Variants in PPFIBP2 observed in about 807,000 individuals in gnomAD.
The protein encoded by PPFIBP2 is liprin-beta-2.
A neutral mutation model predicts 118.3 loss-of-function variants in PPFIBP2; 118 were observed. The ratio of observed to expected loss-of-function variants is 1.00; its 90% CI spans 0.86 to 1.16. PPFIBP2 has a LOEUF of 1.16. Ranked by LOEUF, PPFIBP2 falls within the 50% of genes most tolerant of loss-of-function variation. The pLI is 0.00. For missense variants in PPFIBP2, 1,195 were observed against 1,073.1 expected (o/e 1.11, Z -1.59); for synonymous variants, 414 against 397.4 (o/e 1.04, Z -0.50).
At chr11:7,542,650 A>T (rs1851917219) in intron 1 of PPFIBP2, among the ~76,000 whole-genome samples, 1 of 152,198 alleles carries the variant, frequency 6.6e-6, no homozygotes, top group Non-Finnish European at 1.5e-5. Flanking sequence ...TTCACCAATT[A>T]TGTAAGTCTG....
At chr11:7,561,753 T>C (rs571222734) in intron 2 of PPFIBP2, among the ~76,000 whole-genome samples, 67 of 152,236 alleles carry the variant, frequency 4.4e-4, no homozygotes, top group Admixed American at 1.6e-3. Context: ...AAACATAACA[T>C]CATACAATAA....
At chr11:7,585,483 A>C (rs1331266783) in intron 3 of PPFIBP2, among the ~76,000 whole-genome samples, 1 of 152,230 alleles carries the variant, frequency 6.6e-6, no homozygotes, top group Non-Finnish European at 1.5e-5. Flanking sequence ...GCCAGCAGGA[A>C]GTCTCCTGGG....
In PPFIBP2 at chr11:7,609,220, G is replaced by A. The variant is rs147554507; in HGVS notation, c.487-1071G>A. ...GTGACCTCATAGTGTTTGAGTCAGA[G>A]TGTTGAGATTGCCATTCTTGTGCTG... is the stretch of plus-strand genomic sequence containing the variant. On this transcript the variant is annotated intron_variant, in intron 5 of 23. Coordinates refer to ENST00000299492, the MANE Select transcript of PPFIBP2 (RefSeq NM_003621.5). Among the ~76,000 whole-genome samples, 182 of 152,330 alleles carry A rather than the reference G, an allele frequency of 1.2e-3. 1 individual carries two copies. Among genetic ancestry groups the A allele is most frequent in the East Asian group, 3.5e-3 (18 of 5,184 alleles).
intron 3 of PPFIBP2, among the ~76,000 whole-genome samples, chr11:7,585,984 C>G (rs569352806): frequency 6.6e-6 from 1 of 152,108 alleles, no homozygotes; most frequent in Non-Finnish European, 1.5e-5. Context: ...AACACTTGTA[C>G]GAAAGAAAAA....
chr11:7,548,025 A>C lies in PPFIBP2; in HGVS notation c.-36-1415A>C, dbSNP rs371126704. Among the ~76,000 whole-genome samples, 5 of 152,296 alleles carry C rather than the reference A, an allele frequency of 3.3e-5. No individual in the cohort carries two copies. The East Asian group carries it at 5.8e-4, about 18-fold the overall frequency. On this transcript the variant is annotated intron_variant, in intron 1 of 23. Transcript: ENST00000299492. ...GATGTTATATCCTCACTTAAAAAAA[A>C]AGCTAACATATTGAACACTTTGTGC...
intron 1 of PPFIBP2, among the ~76,000 whole-genome samples, chr11:7,519,165 T>C (rs1473891001): frequency 6.6e-6 from 1 of 152,036 alleles, no homozygotes; most frequent in African/African-American, 2.4e-5. Context: ...GCTGAGAAGA[T>C]TGCGGCTGAG....
intron 17 of PPFIBP2, among the ~76,000 whole-genome samples, chr11:7,643,578 C>G (rs560568339): frequency 6.6e-6 from 1 of 152,168 alleles, no homozygotes; most frequent in South Asian, 2.1e-4. Flanking sequence ...TGAAGAAGTC[C>G]TGATGAGATT....
At chr11:7,649,297 A>T in intron 20 of PPFIBP2, 62 bp downstream of exon 20, 1 of 1,440,858 alleles carries the variant, frequency 6.9e-7, no homozygotes. Context: ...ACGTGTACCC[A>T]TGGTGGTTAT....
At chr11:7,599,130 G>A (rs1201595459) in intron 5 of PPFIBP2, among the ~76,000 whole-genome samples, 1 of 149,940 alleles carries the variant, frequency 6.7e-6, no homozygotes, top group African/African-American at 2.5e-5. Context: ...TCTTTCTTTT[G>A]AAGACCCAGG....
At chr11:7,549,640 C>A in intron 2 of PPFIBP2, 101 bp downstream of exon 2, 2 of 1,169,196 alleles carry the variant, frequency 1.7e-6, no homozygotes, top group East Asian at 2.7e-5. Flanking sequence ...TAGAGAAAAT[C>A]CCCTTTTGTT....
In PPFIBP2 at chr11:7,611,346, C is replaced by G. The variant is rs192728019; in HGVS notation, c.618+924C>G. 2.7e-3 allele frequency among the ~76,000 whole-genome samples: 418 copies of G among 152,294 alleles called. 1 individual carries two copies. The highest frequency in any genetic ancestry group is 4.6e-3 in the Non-Finnish European group (314 of 68,034). On this transcript the variant is annotated intron_variant, in intron 6 of 23. Transcript: ENST00000299492. Reference sequence around the variant, plus strand: ...GCACCTGGTATGTCTTCATCTCCTTCCTTCATTTAGGCTAAAGATGGATAT... The same window carrying G: ...GCACCTGGTATGTCTTCATCTCCTTGCTTCATTTAGGCTAAAGATGGATAT...
chr11:7,532,972 TGGC>T, intron 1 of PPFIBP2, among the ~76,000 whole-genome samples: 1 of 152,042 alleles, frequency 6.6e-6, no homozygotes, highest in South Asian at 2.1e-4. Context: ...AGGAGGGAGT[TGGC>T]TATAGGCAAA....
chr11:7,605,571 A>G (rs925250561), intron 5 of PPFIBP2, among the ~76,000 whole-genome samples: 1 of 152,248 alleles, frequency 6.6e-6, no homozygotes, highest in African/African-American at 2.4e-5. Flanking sequence ...TAACAAATGC[A>G]CATGAGGCCT....
At chr11:7,636,672 G>C (rs1025488137) in intron 14 of PPFIBP2, among the ~76,000 whole-genome samples, 1 of 152,130 alleles carries the variant, frequency 6.6e-6, no homozygotes, top group Non-Finnish European at 1.5e-5. Flanking sequence ...CAGCTCACAG[G>C]CTCAAGGTTT....
chr11:7,613,557 G>A (rs749441494), intron 6 of PPFIBP2, among the ~76,000 whole-genome samples: 22 of 152,160 alleles, frequency 1.4e-4, no homozygotes, highest in South Asian at 2.1e-4. Flanking sequence ...TGAATTAGAC[G>A]TATTCCTGAA....
At chr11:7,608,239 TG>T (rs1847630274) in intron 5 of PPFIBP2, among the ~76,000 whole-genome samples, 1 of 152,244 alleles carries the variant, frequency 6.6e-6, no homozygotes, top group Admixed American at 6.5e-5. Flanking sequence ...TATTTTAGCA[TG>T]TTTTTTTAAA....
At chr11:7,549,297 G>A (rs986379506) in intron 1 of PPFIBP2, 143 bp from the exon 2 acceptor site, 1 of 714,784 alleles carries the variant, frequency 1.4e-6, no homozygotes, top group East Asian at 2.8e-5. Context: ...AAAAGGCCAT[G>A]GAGATGCAGA....
At chr11:7,613,706 C>G (rs1848326312) in intron 6 of PPFIBP2, among the ~76,000 whole-genome samples, 1 of 152,170 alleles carries the variant, frequency 6.6e-6, no homozygotes, top group Admixed American at 6.5e-5. Flanking sequence ...GCGTGTTGCT[C>G]AGATGGGCCT....
intron 2 of PPFIBP2, among the ~76,000 whole-genome samples, chr11:7,564,947 G>A (rs1328279911): frequency 6.6e-6 from 1 of 152,202 alleles, no homozygotes; most frequent in Non-Finnish European, 1.5e-5. Flanking sequence ...CCCTTTATCA[G>A]AGGAGTGGAA....
Sources: gnomAD v4.1 joint callset for allele counts (sites outside exome capture counted in the v4.1 genomes callset) on GRCh38, gnomAD v4.1.1 for gene constraint, MANE v1.5 for transcripts, NCBI Gene and HGNC (gene_info 2026-07-23, HGNC 2026-07-21) for gene names.